PTPRZ1: variants seen among roughly 807,000 people sequenced by gnomAD.
PTPRZ1 encodes receptor-type tyrosine-protein phosphatase zeta.
PTPRZ1 carries 82 observed loss-of-function variants against 214.1 expected under a neutral mutation model. That is an observed-to-expected ratio of 0.38 (90% CI 0.32 to 0.46). The LOEUF (loss-of-function observed/expected upper bound fraction) is 0.46. Ranked by LOEUF, PTPRZ1 falls within the 20% of genes least tolerant of loss-of-function variation. The pLI is 1.00. For synonymous variants in PTPRZ1, 945 were observed against 987.9 expected (o/e 0.96, Z 0.81); for missense variants, 2,603 against 2,748.7 (o/e 0.95, Z 1.19).
chr7:121,881,075 T>C (rs539152611), intron 1 of PTPRZ1, among the ~76,000 whole-genome samples: 2 of 152,276 alleles, frequency 1.3e-5, no homozygotes, highest in South Asian at 2.1e-4. Flanking sequence ...GTGATCGTAT[T>C]TGGGGACAGG....
rs544715685 is a variant in PTPRZ1, at chr7:121,963,418, G to A, written c.125-4533G>A. Among the ~76,000 whole-genome samples, 22 of 152,210 alleles carry A rather than the reference G, an allele frequency of 1.4e-4. No individual in the cohort carries two copies. The South Asian group carries it at 4.6e-3, about 32-fold the overall frequency. On this transcript the variant is annotated intron_variant, in intron 2 of 29. Coordinates refer to ENST00000393386, the MANE Select transcript of PTPRZ1 (RefSeq NM_002851.3). ...CTATGTGTCATTCGTTTTTTCTTCA[G>A]TGCTTGGATGTTGAAATAATGAATA... is the stretch of plus-strand genomic sequence containing the variant.
At position 122,010,499 on chromosome 7, in the gene PTPRZ1, A is replaced by G. The variant is rs1490121642; in HGVS notation, c.1453A>G (p.Arg485Gly). The change falls in exon 12 of 30, where the codon AGA becomes GGA. Residue 485 changes from arginine to glycine, a missense_variant. By Grantham distance (125) the Arg-to-Gly change is moderately radical. Around this residue, in one of 6 missense-constraint regions of PTPRZ1, gnomAD observed 1,913 missense variants for 1,914.3 expected, o/e 1.00. Transcript: ENST00000393386. ...NEAKTNRSPT[R>G]GSEFSGKGDV... ...AGCCAAGACTAACCGATCCCCAACA[A>G]GAGGAAGTGAATTCTCTGGAAAGGG... 6.2e-7 allele frequency: 1 copy of G among 1,614,092 alleles called. No individual in the cohort carries two copies. Among genetic ancestry groups the G allele is most frequent in the Admixed American group, 1.7e-5 (1 of 60,020 alleles).
chr7:121,975,666 A>G (rs1292012594), intron 4 of PTPRZ1, among the ~76,000 whole-genome samples: 8 of 152,362 alleles, frequency 5.3e-5, no homozygotes, highest in African/African-American at 1.9e-4. Flanking sequence ...AGAGAGATAC[A>G]TATATGGACT....
At chr7:121,940,818 A>G (rs576884747) in intron 2 of PTPRZ1, among the ~76,000 whole-genome samples, 18 of 151,404 alleles carry the variant, frequency 1.2e-4, no homozygotes, top group Admixed American at 5.2e-4. Flanking sequence ...AAAAAAAAAA[A>G]GGGCTCTTTA....
intron 2 of PTPRZ1, among the ~76,000 whole-genome samples, chr7:121,956,156 C>A (rs535952741): frequency 5.5e-4 from 83 of 152,070 alleles, no homozygotes; most frequent in South Asian, 4.4e-3. Context: ...AACTACCCGT[C>A]CTCTCTGCTT....
chr7:122,040,332 G>A (rs896836093), intron 20 of PTPRZ1, among the ~76,000 whole-genome samples: 1 of 152,148 alleles, frequency 6.6e-6, no homozygotes, highest in Non-Finnish European at 1.5e-5. Context: ...ATGATCATGG[G>A]GATTAGCAAA....
intron 2 of PTPRZ1, among the ~76,000 whole-genome samples, chr7:121,951,968 T>A (rs4998941): frequency 0.38 from 57,445 of 151,048 alleles, 13,247 homozygotes; most frequent in Non-Finnish European, 0.49. Context: ...TATTTATTTT[T>A]TTTTTTTTGA....
At chr7:121,877,577 A>G (rs1273434179) in intron 1 of PTPRZ1, among the ~76,000 whole-genome samples, 1 of 152,040 alleles carries the variant, frequency 6.6e-6, no homozygotes, top group African/African-American at 2.4e-5. Flanking sequence ...TACTTTAACT[A>G]CTCATTCACT....
chr7:122,017,743 A>AT (rs1411468491), intron 12 of PTPRZ1, among the ~76,000 whole-genome samples: 1 of 149,868 alleles, frequency 6.7e-6, no homozygotes, highest in Non-Finnish European at 1.5e-5. Context: ...TGTATTTTTT[A>AT]TTTTTTTTAG....
chr7:121,898,668 G>A (rs1462141316), intron 1 of PTPRZ1, among the ~76,000 whole-genome samples: 1 of 152,120 alleles, frequency 6.6e-6, no homozygotes, highest in Admixed American at 6.5e-5. Flanking sequence ...GTCTGCTCAG[G>A]GAGTACTACT....
chr7:122,044,783 C>T (rs1799834432), intron 23 of PTPRZ1, among the ~76,000 whole-genome samples: 1 of 152,010 alleles, frequency 6.6e-6, no homozygotes, highest in Non-Finnish European at 1.5e-5. Context: ...TTCTCAGAAA[C>T]CTTAAACTAA....
chr7:121,961,983 A>G (rs1203376581), intron 2 of PTPRZ1, among the ~76,000 whole-genome samples: 3 of 152,202 alleles, frequency 2.0e-5, no homozygotes, highest in African/African-American at 7.2e-5. Flanking sequence ...CTGCAACTAC[A>G]GGCAGTGTCC....
chr7:121,916,251 C>A (rs151089382), intron 1 of PTPRZ1, among the ~76,000 whole-genome samples: 2 of 139,270 alleles, frequency 1.4e-5, no homozygotes, highest in Admixed American at 1.6e-4. Flanking sequence ...TCCTGACTGG[C>A]GACAGAGTGG....
chr7:121,873,622 C>A, intron 1 of PTPRZ1, 65 bp downstream of exon 1: 1 of 1,575,780 alleles, frequency 6.3e-7, no homozygotes. Flanking sequence ...GGGAGCATTT[C>A]AGCGTGTCCG....
At chr7:122,025,729 G>T (rs903812321) in intron 13 of PTPRZ1, among the ~76,000 whole-genome samples, 2 of 152,162 alleles carry the variant, frequency 1.3e-5, no homozygotes, top group Non-Finnish European at 2.9e-5. Context: ...GAAATGAAAG[G>T]CCATTTCACA....
chr7:121,873,389 C>A lies in PTPRZ1; in HGVS notation c.-111C>A. Reference sequence around the variant, plus strand: ...ACGCACGATCTCACTTCGATCTATACACTGGAGGATTAAAACAAACAAACA... The same window carrying A: ...ACGCACGATCTCACTTCGATCTATAAACTGGAGGATTAAAACAAACAAACA... On this transcript the variant is annotated 5_prime_UTR_variant, in exon 1 of 30. Transcript: ENST00000393386. 1 of 1,023,642 alleles carries A rather than the reference C, an allele frequency of 9.8e-7. No homozygotes were observed. The highest frequency in any genetic ancestry group is 1.5e-6 in the Non-Finnish European group (1 of 688,276). 63.4% of individuals were successfully genotyped at this position (1,023,642 alleles called of 1,614,324 possible).
chr7:122,033,372 A>G (rs774687866), intron 15 of PTPRZ1, among the ~76,000 whole-genome samples: 10 of 151,664 alleles, frequency 6.6e-5, no homozygotes, highest in Non-Finnish European at 1.3e-4. Flanking sequence ...CTCAGAAATT[A>G]TAAGGCTTTT....
At chr7:122,010,040 T>A (rs1798599408) in intron 11 of PTPRZ1, among the ~76,000 whole-genome samples, 1 of 152,136 alleles carries the variant, frequency 6.6e-6, no homozygotes, top group South Asian at 2.1e-4. Context: ...TGTCAATAAA[T>A]AACTACAGTG....
In PTPRZ1 at chr7:122,012,544, G is replaced by C. The variant is rs61732011; in HGVS notation, c.3498G>C (p.Gln1166His). ...ASSEMLSPST[Q>H]LLFYETSASF... ...GTGAAATGTTATCTCCTTCAACTCA[G>C]CTCTTATTTTATGAGACCTCAGCTT... The change falls in exon 12 of 30, where the codon CAG becomes CAC. Residue 1166 changes from glutamine (Q) to histidine (H), a missense_variant. By Grantham distance (24) the Gln-to-His change is conservative (BLOSUM62 0). Transcript: ENST00000393386. The C allele has an allele frequency of 1.9e-6, 3 of 1,613,946 alleles. No homozygotes were observed. The African/African-American group carries it at 4.0e-5, about 22-fold the overall frequency.
Sources: allele counts gnomAD v4.1 joint callset (sites outside exome capture counted in the v4.1 genomes callset), GRCh38; gene constraint gnomAD v4.1.1; regional missense constraint gnomAD v4.1.1; transcripts MANE v1.5; gene names NCBI Gene and HGNC (gene_info 2026-07-23, HGNC 2026-07-21).